SPAG9: variants seen among roughly 807,000 people sequenced by gnomAD.
SPAG9 encodes the protein sperm associated antigen 9.
SPAG9 carries 35 observed loss-of-function variants against 166.5 expected under a neutral mutation model. The ratio of observed to expected loss-of-function variants is 0.21; its 90% confidence interval spans 0.16 to 0.28. The LOEUF (loss-of-function observed/expected upper bound fraction) is 0.28. SPAG9 is among the 10% of genes least tolerant of loss of function. The pLI is 1.00. For missense variants in SPAG9, 1,235 were observed against 1,603.3 expected, an observed-to-expected ratio of 0.77 and a Z score of 3.92; for synonymous variants, 534 against 565.5, an observed-to-expected ratio of 0.94 and a Z score of 0.79.
At chr17:51,076,190 G>A (rs540245817) in intron 2 of SPAG9, among the ~76,000 whole-genome samples, 1 of 152,230 alleles carries the variant, frequency 6.6e-6, no homozygotes, top group East Asian at 1.9e-4. Flanking sequence ...GGGAGGCCGA[G>A]GCGGGCGGAC....
At chr17:51,071,071 T>TC (rs2047808811) in intron 2 of SPAG9, among the ~76,000 whole-genome samples, 1 of 151,804 alleles carries the variant, frequency 6.6e-6, no homozygotes, top group African/African-American at 2.4e-5. Context: ...TTCCCCTTCC[T>TC]CCCCCCACTA....
intron 2 of SPAG9, among the ~76,000 whole-genome samples, chr17:51,077,085 GCTAGCTAT>G (rs1170595282): frequency 0.056 from 6,019 of 108,148 alleles, 215 homozygotes; most frequent in Middle Eastern, 0.087. Context: ...TAGCTATCTA[GCTAGCTAT>G]CTATCTAGCT....
chr17:51,006,309 G>T (rs2045217404), intron 10 of SPAG9, 72 bp from the exon 11 acceptor site: 1 of 1,403,238 alleles, frequency 7.1e-7, no homozygotes, highest in Non-Finnish European at 1.0e-6. Context: ...TTCCTTTGTA[G>T]ACTAAACTGT....
At chr17:51,055,638 A>T (rs1034607799) in intron 3 of SPAG9, among the ~76,000 whole-genome samples, 1 of 152,174 alleles carries the variant, frequency 6.6e-6, no homozygotes, top group African/African-American at 2.4e-5. Flanking sequence ...AACCATATGT[A>T]TCATGGGAAA....
intron 3 of SPAG9, among the ~76,000 whole-genome samples, chr17:51,056,066 C>T (rs2047354798): frequency 6.6e-6 from 1 of 152,080 alleles, no homozygotes; most frequent in East Asian, 1.9e-4. Context: ...AATTTCCAAA[C>T]TCATAAAAAA....
chr17:51,083,838 A>C (rs906135200), intron 1 of SPAG9, among the ~76,000 whole-genome samples: 2 of 152,018 alleles, frequency 1.3e-5, no homozygotes, highest in Non-Finnish European at 2.9e-5. Context: ...TCCCCAGAAA[A>C]AACGCCCCCG....
rs1002359361 is a variant in SPAG9, at chr17:51,067,390, A to G, written c.425-10908T>C. 6.6e-5 allele frequency among the ~76,000 whole-genome samples: 10 copies of G among 152,220 alleles called. No homozygotes were observed. The South Asian group carries it at 1.0e-3, about 16-fold the overall frequency. On this transcript the variant is annotated intron_variant, in intron 2 of 29. Transcript: ENST00000262013. ...GGAAAAGAAAAGGAAGTAGAAGGGA[A>G]GGGGAAAGCAGGAAAGAAAAGCCCA...
chr17:51,077,101 G>GCTAGCTAT (rs1370106237), intron 2 of SPAG9, among the ~76,000 whole-genome samples: 2 of 102,076 alleles, frequency 2.0e-5, no homozygotes, highest in Admixed American at 9.5e-5. Flanking sequence ...TATCTATCTA[G>GCTAGCTAT]CTAGCTATCT....
intron 23 of SPAG9, 52 bp from the exon 24 acceptor site, chr17:50,985,042 G>A (rs1974944896): frequency 1.3e-6 from 2 of 1,520,564 alleles, no homozygotes; most frequent in African/African-American, 1.4e-5. Flanking sequence ...ATACAGAAGG[G>A]ACCACATGCT....
At chr17:51,070,533 G>A (rs1466612164) in intron 2 of SPAG9, among the ~76,000 whole-genome samples, 1 of 152,100 alleles carries the variant, frequency 6.6e-6, no homozygotes. Context: ...ATATGATTCA[G>A]TATACCAGAA....
At chr17:51,000,516 T>G (rs1303383377) in intron 13 of SPAG9, among the ~76,000 whole-genome samples, 4 of 152,104 alleles carry the variant, frequency 2.6e-5, no homozygotes, top group Admixed American at 2.6e-4. Flanking sequence ...GGCGGATCAC[T>G]TGAGGTCAAA....
chr17:50,965,228 A>G lies in SPAG9; in HGVS notation c.*1044T>C, dbSNP rs184408665. 1 of 152,394 alleles carries G rather than the reference A, an allele frequency of 6.6e-6. No homozygotes were observed. Among genetic ancestry groups the G allele is most frequent in the Non-Finnish European group, 1.5e-5 (1 of 68,086 alleles). The allele number at this position is 152,394 out of a possible 1,614,324, so 9.4% of individuals were successfully genotyped here. ...AAACGTTATTCACGTACAAAATACC[A>G]AGTATATAGCTGTTCTGCAGTTTGA... On this transcript the variant is annotated 3_prime_UTR_variant, in exon 30 of 30. Coordinates refer to ENST00000262013, the MANE Select transcript of SPAG9 (RefSeq NM_001130528.3).
intron 9 of SPAG9, among the ~76,000 whole-genome samples, chr17:51,010,142 T>C (rs1392776857): frequency 1.3e-5 from 2 of 152,112 alleles, no homozygotes; most frequent in African/African-American, 2.4e-5. Flanking sequence ...GCTAGGTCCA[T>C]AGATGAGCTT....
At chr17:51,116,086 C>T (rs148979890) in intron 1 of SPAG9, among the ~76,000 whole-genome samples, 22 of 151,974 alleles carry the variant, frequency 1.4e-4, no homozygotes, top group African/African-American at 5.3e-4. Context: ...CACTCTACTG[C>T]CCAGGCTGGA....
intron 1 of SPAG9, among the ~76,000 whole-genome samples, chr17:51,116,951 G>A (rs919337497): frequency 2.0e-5 from 3 of 152,116 alleles, no homozygotes; most frequent in Non-Finnish European, 4.4e-5. Flanking sequence ...GGCATCAGAC[G>A]GGTCTTGGTT....
At chr17:51,080,973 T>C (rs2048148107) in intron 1 of SPAG9, among the ~76,000 whole-genome samples, 1 of 150,318 alleles carries the variant, frequency 6.7e-6, no homozygotes, top group African/African-American at 2.5e-5. Flanking sequence ...CTTCTCTAGC[T>C]CATTAAATTA....
At chr17:51,007,110 G>GGGGT (rs5820839) in intron 10 of SPAG9, among the ~76,000 whole-genome samples, 159 bp downstream of exon 10, 12 of 145,988 alleles carry the variant, frequency 8.2e-5, no homozygotes, top group African/African-American at 2.5e-4. Flanking sequence ...CCAACATTAG[G>GGGGT]GTGTGTGTGT....
At chr17:50,979,665 ACCT>A in intron 26 of SPAG9, 78 bp downstream of exon 26, 1 of 1,337,076 alleles carries the variant, frequency 7.5e-7, no homozygotes, top group Non-Finnish European at 1.1e-6. Flanking sequence ...ACAAAGCAAG[ACCT>A]CATTTCAATA....
chr17:51,110,673 C>G (rs928732037), intron 1 of SPAG9, among the ~76,000 whole-genome samples: 1 of 151,580 alleles, frequency 6.6e-6, no homozygotes, highest in African/African-American at 2.4e-5. Context: ...TGGGCCAGAC[C>G]TTGTCTCGAA....
Sources: gnomAD v4.1 joint callset for allele counts (sites outside exome capture counted in the v4.1 genomes callset) on GRCh38, gnomAD v4.1.1 for gene constraint, MANE v1.5 for transcripts, NCBI Gene and HGNC (gene_info 2026-07-23, HGNC 2026-07-21) for gene names.